ZW10: variants seen among roughly 807,000 people sequenced by gnomAD.
ZW10 encodes centromere/kinetochore protein zw10 homolog.
ZW10 carries 53 observed loss-of-function variants against 87.8 expected under a neutral mutation model. That is an observed-to-expected ratio of 0.60 (90% CI 0.48 to 0.76). The LOEUF (loss-of-function observed/expected upper bound fraction) is 0.76. ZW10 is among the 30% of genes least tolerant of loss of function. ZW10 has a pLI of 0.00. For synonymous variants in ZW10, 312 were observed against 329.2 expected (o/e 0.95, Z 0.57); for missense variants, 837 against 923.0 (o/e 0.91, Z 1.21).
intron 7 of ZW10, among the ~76,000 whole-genome samples, chr11:113,748,678 A>G (rs1273742134): frequency 6.6e-6 from 1 of 152,188 alleles, no homozygotes; most frequent in Admixed American, 6.5e-5. Flanking sequence ...CTACATTATA[A>G]TCATCTAGTG....
chr11:113,753,140 T>G (rs1330505349), intron 7 of ZW10, among the ~76,000 whole-genome samples: 1 of 152,140 alleles, frequency 6.6e-6, no homozygotes, highest in Non-Finnish European at 1.5e-5. Context: ...TTAGGCCTAG[T>G]ACCCATTAGT....
Position 113,760,232 on chromosome 11 carries a change from A to G in ZW10, c.557T>C (p.Val186Ala). ...ACCTTTTGATGGTGGGAACTTCCAT[A>G]CAATCAGCTTCTGCCACTCTTCTCC... ...HLGEEWQKLI[V>A]WKFPPSKDTS... is the part of the protein sequence containing the mutation. The change falls in exon 5 of 16, where the codon GTA becomes GCA. Residue 186 changes from valine to alanine, a missense_variant. Transcript: ENST00000200135. 6 of 1,614,090 alleles carry G rather than the reference A, an allele frequency of 3.7e-6. No individual in the cohort carries two copies. The highest frequency in any genetic ancestry group is 4.2e-6 in the Non-Finnish European group (5 of 1,179,990).
At chr11:113,754,943 T>C (rs994203103) in intron 7 of ZW10, among the ~76,000 whole-genome samples, 2 of 152,134 alleles carry the variant, frequency 1.3e-5, no homozygotes, top group Non-Finnish European at 2.9e-5. Context: ...GCCCAGCCAA[T>C]AGCATGGTTT....
intron 10 of ZW10, among the ~76,000 whole-genome samples, chr11:113,742,826 A>C (rs921050685): frequency 1.1e-4 from 16 of 152,226 alleles, no homozygotes; most frequent in African/African-American, 3.9e-4. Context: ...AAAGCTAGGA[A>C]AGTATCTTGG....
intron 11 of ZW10, among the ~76,000 whole-genome samples, chr11:113,740,497 TC>T (rs1431795787): frequency 1.3e-5 from 2 of 152,002 alleles, no homozygotes; most frequent in Non-Finnish European, 2.9e-5. Flanking sequence ...GATGGGAAGA[TC>T]ACCTGAGCCC....
At chr11:113,754,980 G>C (rs1953768200) in intron 7 of ZW10, among the ~76,000 whole-genome samples, 1 of 152,096 alleles carries the variant, frequency 6.6e-6, no homozygotes. Context: ...TCTCTGTTGA[G>C]ACCTACTGCT....
chr11:113,751,092 G>A, intron 7 of ZW10: 1 of 198,166 alleles, frequency 5.0e-6, no homozygotes, highest in East Asian at 1.1e-4. Context: ...AGATGCCTTG[G>A]ATAATCCTTT....
chr11:113,751,213 G>T (rs375061110), intron 7 of ZW10: 15 of 286,660 alleles, frequency 5.2e-5, no homozygotes, highest in African/African-American at 8.8e-5. Flanking sequence ...ATGCTGGCTT[G>T]AGCAGACACG....
chr11:113,733,824 G>C lies in ZW10; in HGVS notation c.2220-10C>G. The C allele has an allele frequency of 1.3e-6, 2 of 1,591,070 alleles. No homozygotes were observed. The highest frequency in any genetic ancestry group is 1.4e-5 in the African/African-American group (1 of 73,702). ...TTTTCCATCTGCCCACCTGCAAAAC[G>C]AAAGATAGAGTTCCATTTCCTATTA... On this transcript the variant is annotated splice_polypyrimidine_tract_variant and intron_variant, in intron 15 of 15. Transcript: ENST00000200135.
chr11:113,752,262 ATG>A (rs145208653), intron 7 of ZW10, among the ~76,000 whole-genome samples: 496 of 147,970 alleles, frequency 3.4e-3, no homozygotes, highest in Middle Eastern at 6.9e-3. Context: ...CATGAACAAG[ATG>A]TGTGTGTGTG....
At chr11:113,761,630 T>C (rs1953861403) in intron 2 of ZW10, among the ~76,000 whole-genome samples, 1 of 152,156 alleles carries the variant, frequency 6.6e-6, no homozygotes, top group Admixed American at 6.6e-5. Flanking sequence ...TGTCCCACCT[T>C]ATCAATGACT....
At position 113,766,622 on chromosome 11, in the gene ZW10, C is replaced by A. The variant is rs1171030287; in HGVS notation, c.240+2211G>T. On this transcript the variant is annotated intron_variant, in intron 2 of 15. Transcript: ENST00000200135. ...CCGGGAGGCAGAGCTTGCAGTGAGC[C>A]GAGATCGTGCCATTGTACTTCAGCC... Among the ~76,000 whole-genome samples, 3 of 129,838 alleles carry A rather than the reference C, an allele frequency of 2.3e-5. No homozygotes were observed. The East Asian group carries it at 6.7e-4, about 29-fold the overall frequency. The allele number at this position is 129,838 out of a possible 152,430, so 85.2% of individuals were successfully genotyped here.
intron 1 of ZW10, chr11:113,771,320 G>C (rs1247163678): frequency 6.6e-6 from 1 of 152,266 alleles, no homozygotes; most frequent in East Asian, 1.9e-4. Context: ...TTCTGGATTT[G>C]GATGTGGCTG....
chr11:113,736,579 C>CT, intron 15 of ZW10, 41 bp downstream of exon 15: 8 of 1,586,858 alleles, frequency 5.0e-6, no homozygotes, highest in Non-Finnish European at 6.9e-6. Context: ...TCTCTTGTAG[C>CT]TATGGAGAGT....
intron 4 of ZW10, 27 bp downstream of exon 4, chr11:113,760,486 G>A (rs771096473): frequency 2.6e-5 from 42 of 1,604,832 alleles, no homozygotes; most frequent in Admixed American, 5.1e-5. Context: ...CACTTATTGC[G>A]CATGCTTTGG....
At position 113,738,330 on chromosome 11, in the gene ZW10, A is replaced by G; in HGVS notation, c.1818T>C (p.Ser606=). ...QKGELLERLS[S]ARNFSNMDDE... ...CGTCCATATTTGAAAAGTTCCTAGC[A>G]CTTGATAATCTTTCCAGAAGTTCAC... is the stretch of plus-strand genomic sequence containing the variant. Residue 606 remains serine (S), a synonymous_variant, in exon 13 of 16, where the codon AGT becomes AGC. Coordinates refer to ENST00000200135, the MANE Select transcript of ZW10 (RefSeq NM_004724.4). The G allele has an allele frequency of 6.2e-7, 1 of 1,613,444 alleles. No individual in the cohort carries two copies. Among genetic ancestry groups the G allele is most frequent in the Non-Finnish European group, 8.5e-7 (1 of 1,179,726 alleles).
chr11:113,744,418 A>G (rs915556730), intron 9 of ZW10, among the ~76,000 whole-genome samples: 9 of 152,160 alleles, frequency 5.9e-5, no homozygotes, highest in Admixed American at 4.6e-4. Context: ...AAACAAATAT[A>G]AGCACACGGT....
intron 1 of ZW10, chr11:113,769,925 C>G (rs573270951): frequency 1.0e-3 from 300 of 295,524 alleles, no homozygotes; most frequent in Non-Finnish European, 1.7e-3. Context: ...CTATACTGGA[C>G]CACCATGGTG....
intron 15 of ZW10, among the ~76,000 whole-genome samples, chr11:113,734,399 T>C (rs1178876484): frequency 6.6e-6 from 1 of 152,228 alleles, no homozygotes; most frequent in East Asian, 1.9e-4. Flanking sequence ...TCCAGTCTGA[T>C]AATTCCAAAT....
Sources: allele counts gnomAD v4.1 joint callset (sites outside exome capture counted in the v4.1 genomes callset), GRCh38; gene constraint gnomAD v4.1.1; transcripts MANE v1.5; gene names NCBI Gene and HGNC (gene_info 2026-07-23, HGNC 2026-07-21).